PNKD: variants seen among roughly 807,000 people sequenced by gnomAD.
PNKD encodes the protein PNKD metallo-beta-lactamase domain containing.
A neutral mutation model predicts 45.3 loss-of-function variants in PNKD; 36 were observed. The observed-to-expected ratio is 0.80, with a 90% CI of 0.61 to 1.05. PNKD has a LOEUF of 1.05. PNKD is among the 50% of genes least tolerant of loss of function. The pLI, the probability that PNKD is intolerant of heterozygous loss-of-function variation, is 0.00. For synonymous variants in PNKD, 197 were observed against 210.1 expected (o/e 0.94, Z 0.54); for missense variants, 511 against 506.6 (o/e 1.01, Z -0.08).
At chr2:218,286,809 C>G (rs1178427182) in intron 2 of PNKD, 1 of 152,216 alleles carries the variant, frequency 6.6e-6, no homozygotes, top group African/African-American at 2.4e-5. Context: ...GAGCAGCTGA[C>G]TGGTCCAGGC....
At chr2:218,333,117 T>C (rs1346170456) in intron 2 of PNKD, among the ~76,000 whole-genome samples, 3 of 152,178 alleles carry the variant, frequency 2.0e-5, no homozygotes, top group Non-Finnish European at 4.4e-5. Flanking sequence ...CCCCCAGCCA[T>C]AGTTACTGGC....
At chr2:218,325,022 T>TTTTTAAGACGGAGTC (rs1694107333) in intron 2 of PNKD, among the ~76,000 whole-genome samples, 1 of 68,538 alleles carries the variant, frequency 1.5e-5, no homozygotes, top group African/African-American at 3.6e-5. Flanking sequence ...TTTTTTTTTT[T>TTTTTAAGACGGAGTC]TTTGAGACGG....
chr2:218,307,066 G>A (rs1357928100), intron 2 of PNKD, among the ~76,000 whole-genome samples: 1 of 152,198 alleles, frequency 6.6e-6, no homozygotes, highest in Non-Finnish European at 1.5e-5. Flanking sequence ...TGGAAACACA[G>A]ATGATGCCGT....
intron 2 of PNKD, among the ~76,000 whole-genome samples, chr2:218,319,415 G>A (rs1438466781): frequency 5.6e-5 from 6 of 107,600 alleles, no homozygotes; most frequent in Non-Finnish European, 1.0e-4. Context: ...TTGCTTTATC[G>A]CCCAGGCTGG....
chr2:218,323,571 C>T, intron 2 of PNKD: 2 of 680,860 alleles, frequency 2.9e-6, no homozygotes, highest in Non-Finnish European at 4.3e-6. Flanking sequence ...ATCGAGGAGA[C>T]GGACTGGAGA....
At chr2:218,342,484 G>A (rs889944584) in intron 7 of PNKD, among the ~76,000 whole-genome samples, 1 of 152,128 alleles carries the variant, frequency 6.6e-6, no homozygotes, top group Non-Finnish European at 1.5e-5. Context: ...AGGATCACCT[G>A]AGGTCAGGAG....
In PNKD at chr2:218,270,520, G is replaced by A. The variant is rs1476211080; in HGVS notation, c.-16G>A. 2 of 1,214,330 alleles carry A rather than the reference G, an allele frequency of 1.6e-6. No individual in the cohort carries two copies. The highest frequency in any genetic ancestry group is 1.1e-6 in the Non-Finnish European group (1 of 923,762). 75.2% of individuals were successfully genotyped at this position (1,214,330 alleles called of 1,614,324 possible). On this transcript the variant is annotated 5_prime_UTR_variant, in exon 1 of 10. Transcript: ENST00000273077. ...TCCCGGCGGGGAGCGCGGTGAAGCG[G>A]GGGTGGGATCTGAACATGGCGGCGG...
chr2:218,274,720 C>G (rs1432981709), intron 2 of PNKD: 1 of 155,338 alleles, frequency 6.4e-6, no homozygotes, highest in Non-Finnish European at 1.5e-5. Flanking sequence ...AAGGAGGCCC[C>G]AGCAGCTTTC....
intron 2 of PNKD, among the ~76,000 whole-genome samples, chr2:218,304,671 G>A (rs902816476): frequency 6.6e-6 from 1 of 152,222 alleles, no homozygotes; most frequent in African/African-American, 2.4e-5. Flanking sequence ...AGGATCAGTG[G>A]AAAGAGCATG....
chr2:218,326,032 G>A lies in PNKD; in HGVS notation c.237-13751G>A, dbSNP rs537888719. On this transcript the variant is annotated intron_variant, in intron 2 of 9. Transcript: ENST00000273077. This position sits in a 1 kb window ranked among gnomAD's most constrained non-coding sequence, Gnocchi z 4.1. ...TGTAGGGGGGAAATGGGCAGGTGTT[G>A]GTGCTAGGGGTGCCTCCAGGAAGGA... 2.0e-5 allele frequency among the ~76,000 whole-genome samples: 3 copies of A among 151,906 alleles called. No homozygotes were observed. In the South Asian group the frequency reaches 6.3e-4, roughly 32 times the overall value.
At chr2:218,281,357 G>A (rs189198145) in intron 2 of PNKD, among the ~76,000 whole-genome samples, 4 of 152,092 alleles carry the variant, frequency 2.6e-5, no homozygotes, top group East Asian at 3.9e-4. Context: ...GGCTGGTCTC[G>A]AATTCCTGAC....
chr2:218,323,318 G>A, intron 2 of PNKD: 1 of 1,566,052 alleles, frequency 6.4e-7, no homozygotes, highest in Non-Finnish European at 8.6e-7. Context: ...CCGGCTGCTG[G>A]CTCCTCCTCG....
chr2:218,272,623 T>C (rs1315442301), intron 2 of PNKD: 1 of 1,614,068 alleles, frequency 6.2e-7, no homozygotes, highest in Non-Finnish European at 8.5e-7. Context: ...AAGCGGGAAG[T>C]GGACAAGGAC....
chr2:218,345,065 C>A lies in PNKD; in HGVS notation c.*84C>A. The A allele has an allele frequency of 9.4e-7, 1 of 1,068,586 alleles. No individual in the cohort carries two copies. The highest frequency in any genetic ancestry group is 1.4e-6 in the Non-Finnish European group (1 of 726,898). 66.2% of individuals were successfully genotyped at this position (1,068,586 alleles called of 1,614,324 possible). ...ACCTCATCATCCTTCTCATCGCTAA[C>A]ACCACCACCTCCATCGGCACCCAAG... On this transcript the variant is annotated 3_prime_UTR_variant, in exon 10 of 10. Coordinates refer to ENST00000273077, the MANE Select transcript of PNKD (RefSeq NM_015488.5).
Position 218,340,753 on chromosome 2 carries a change from C to T in PNKD, c.491C>T (p.Thr164Ile). The part of the protein sequence containing the change: ...VQASIEKEGV[T>I]LVAILCTHKH... ...GCTTCCATTGAAAAGGAAGGGGTCACCTTGGTCGCCATTCTGTGTACTCAC... is the reference window on the plus strand; with the variant it reads ...GCTTCCATTGAAAAGGAAGGGGTCATCTTGGTCGCCATTCTGTGTACTCAC... The change falls in exon 5 of 10, where the codon ACC becomes ATC. Residue 164 changes from threonine (T) to isoleucine (I), a missense_variant. Thr to Ile is a moderately conservative substitution (Grantham distance 89, BLOSUM62 -1). Transcript: ENST00000273077. The surrounding 1 kb of genome is among the most constrained non-coding windows in gnomAD (Gnocchi z 4.2). The T allele has an allele frequency of 6.2e-7, 1 of 1,614,086 alleles. No homozygotes were observed. The highest frequency in any genetic ancestry group is 8.5e-7 in the Non-Finnish European group (1 of 1,179,946).
intron 2 of PNKD, among the ~76,000 whole-genome samples, chr2:218,283,134 C>T (rs1298508487): frequency 6.6e-6 from 1 of 152,184 alleles, no homozygotes; most frequent in Non-Finnish European, 1.5e-5. Context: ...GGAATGCCTT[C>T]CCTGCAGCAG....
chr2:218,278,995 C>T, intron 2 of PNKD: 2 of 1,611,102 alleles, frequency 1.2e-6, no homozygotes, highest in Non-Finnish European at 1.7e-6. Context: ...CAGAAGCTGC[C>T]ACCCCTGCCT....
intron 2 of PNKD, among the ~76,000 whole-genome samples, chr2:218,324,054 C>A (rs2106276180): frequency 6.6e-6 from 1 of 152,310 alleles, no homozygotes; most frequent in East Asian, 1.9e-4. Flanking sequence ...CCAACTGACT[C>A]TGCCCACTTT....
intron 2 of PNKD, chr2:218,284,115 G>C (rs1208041407): frequency 6.7e-6 from 1 of 149,088 alleles, no homozygotes; most frequent in Non-Finnish European, 1.5e-5. Flanking sequence ...GGTGAGCTGA[G>C]ATCGCGCCAC....
Sources: gnomAD v4.1 joint callset for allele counts (sites outside exome capture counted in the v4.1 genomes callset) on GRCh38, gnomAD v4.1.1 for gene constraint, Gnocchi (gnomAD v3.1) non-coding constraint, MANE v1.5 for transcripts, NCBI Gene and HGNC (gene_info 2026-07-23, HGNC 2026-07-21) for gene names.